WDPCP: variants seen among roughly 807,000 people sequenced by gnomAD.
The protein encoded by WDPCP is WD repeat containing planar cell polarity effector, also known as WD repeat-containing and planar cell polarity effector protein fritz homolog.
A neutral mutation model predicts 93.1 loss-of-function variants in WDPCP; 71 were observed. That is an observed-to-expected ratio of 0.76 (90% CI 0.63 to 0.93). The LOEUF is 0.93. Among genes scored for constraint, WDPCP ranks in the 40% least tolerant of loss-of-function variants. The pLI is 0.00. For synonymous variants in WDPCP, 315 were observed against 315.0 expected, an observed-to-expected ratio of 1.00 and a Z score of 0.00; for missense variants, 844 against 887.4, an observed-to-expected ratio of 0.95 and a Z score of 0.62.
chr2:63,568,355 CAA>C (rs34633887), intron 1 of WDPCP, among the ~76,000 whole-genome samples: 1 of 149,546 alleles, frequency 6.7e-6, no homozygotes, highest in South Asian at 2.1e-4. Context: ...AAAAAAAAAA[CAA>C]AAAAAAACCT....
intron 2 of WDPCP, among the ~76,000 whole-genome samples, chr2:63,708,591 T>C (rs1669207619): frequency 1.3e-5 from 2 of 152,146 alleles, no homozygotes; most frequent in Non-Finnish European, 2.9e-5. Flanking sequence ...AGGCGATGCC[T>C]CGCCCTGCTT....
chr2:63,725,081 G>A (rs1293526023), intron 2 of WDPCP, among the ~76,000 whole-genome samples: 2 of 152,090 alleles, frequency 1.3e-5, no homozygotes, highest in Non-Finnish European at 2.9e-5. Flanking sequence ...GAGGGGACAC[G>A]TGCAGGTTTG....
chr2:63,657,207 T>TTTG (rs1313780943), intron 2 of WDPCP, among the ~76,000 whole-genome samples: 2 of 143,858 alleles, frequency 1.4e-5, no homozygotes, highest in East Asian at 2.0e-4. Context: ...TGGGTGATGT[T>TTTG]TTTTTTTTTT....
intron 12 of WDPCP, among the ~76,000 whole-genome samples, chr2:63,371,440 A>T (rs1173968023): frequency 6.6e-6 from 1 of 152,014 alleles, no homozygotes; most frequent in East Asian, 1.9e-4. Flanking sequence ...GTAGTTTCAA[A>T]TCATCTATTG....
At chr2:63,792,784 A>G (rs776225525) in intron 2 of WDPCP, among the ~76,000 whole-genome samples, 1 of 152,302 alleles carries the variant, frequency 6.6e-6, no homozygotes, top group South Asian at 2.1e-4. Context: ...AAAGGAATGT[A>G]GGATCAGACC....
At chr2:63,650,169 G>C (rs1475022582) in intron 3 of WDPCP, among the ~76,000 whole-genome samples, 3 of 152,206 alleles carry the variant, frequency 2.0e-5, no homozygotes, top group Non-Finnish European at 4.4e-5. Context: ...AGTTTCCCAA[G>C]ATTTGTTCAG....
At chr2:63,393,444 T>A (rs1219521543) in intron 10 of WDPCP, among the ~76,000 whole-genome samples, 1 of 151,998 alleles carries the variant, frequency 6.6e-6, no homozygotes, top group Admixed American at 6.6e-5. Context: ...AAATGACTAG[T>A]TGATCAGTAA....
At chr2:63,482,125 C>A (rs1378633212) in intron 6 of WDPCP, among the ~76,000 whole-genome samples, 1 of 151,948 alleles carries the variant, frequency 6.6e-6, no homozygotes, top group East Asian at 1.9e-4. Flanking sequence ...AAAGATCCAA[C>A]CTCAGATTGC....
intron 14 of WDPCP, among the ~76,000 whole-genome samples, chr2:63,253,973 A>G (rs1574988523): frequency 6.6e-6 from 1 of 152,310 alleles, no homozygotes; most frequent in African/African-American, 2.4e-5. Flanking sequence ...AAGACATGGA[A>G]TCAACCTAGG....
intron 2 of WDPCP, chr2:63,684,672 AG>A (rs1668780500): frequency 1.9e-5 from 13 of 683,132 alleles, no homozygotes; most frequent in South Asian, 1.8e-4. Flanking sequence ...GAGAGATACA[AG>A]ATAGGCAAGA....
chr2:63,690,795 C>T (rs1343281007), intron 2 of WDPCP, among the ~76,000 whole-genome samples: 4 of 151,952 alleles, frequency 2.6e-5, no homozygotes, highest in African/African-American at 9.7e-5. Context: ...AAACTTCAAG[C>T]AGATTGCTCC....
At chr2:63,455,439 T>TACACAC in intron 6 of WDPCP, among the ~76,000 whole-genome samples, 1 of 112,252 alleles carries the variant, frequency 8.9e-6, no homozygotes, top group South Asian at 2.7e-4. Flanking sequence ...TATATATATA[T>TACACAC]ACACACACAC....
At chr2:63,394,266 C>G (rs1693527695) in intron 10 of WDPCP, among the ~76,000 whole-genome samples, 1 of 151,968 alleles carries the variant, frequency 6.6e-6, no homozygotes, top group South Asian at 2.1e-4. Context: ...TACATGCAGC[C>G]TACAACCATA....
intron 14 of WDPCP, among the ~76,000 whole-genome samples, chr2:63,223,626 G>A (rs1298583866): frequency 1.3e-5 from 2 of 152,108 alleles, no homozygotes; most frequent in Non-Finnish European, 2.9e-5. Flanking sequence ...CTATAGCATG[G>A]CCAGGTAAAT....
At chr2:63,760,447 T>C (rs1400158654) in intron 2 of WDPCP, among the ~76,000 whole-genome samples, 1 of 152,056 alleles carries the variant, frequency 6.6e-6, no homozygotes, top group African/African-American at 2.4e-5. Flanking sequence ...AATATTTCCC[T>C]TCCTGCCCCT....
intron 14 of WDPCP, among the ~76,000 whole-genome samples, chr2:63,204,110 T>A (rs891492114): frequency 9.9e-5 from 15 of 152,166 alleles, no homozygotes; most frequent in African/African-American, 3.4e-4. Context: ...ATTTTTAGTT[T>A]TTTGAGGAAC....
chr2:63,263,310 A>G (rs1243184865), intron 13 of WDPCP, among the ~76,000 whole-genome samples: 1 of 152,260 alleles, frequency 6.6e-6, no homozygotes, highest in Non-Finnish European at 1.5e-5. Context: ...CTTAATTGCC[A>G]ATGCAATGGT....
Position 63,701,597 on chromosome 2 carries a change from C to T in WDPCP, n.309-50759G>A, listed in dbSNP as rs147482483. 8.9e-4 allele frequency among the ~76,000 whole-genome samples: 135 copies of T among 152,280 alleles called. 1 individual carries two copies. In the East Asian group the frequency reaches 0.023, roughly 27 times the overall value. On this transcript the variant is annotated intron_variant and non_coding_transcript_variant, in intron 2 of 4. Coordinates refer to the WDPCP transcript ENST00000467687. ...ATAATAGCCAAAATATGGAACCAACCTAAGTGCCCATTAATGGATGAATGG... is the reference window on the plus strand; with the variant it reads ...ATAATAGCCAAAATATGGAACCAACTTAAGTGCCCATTAATGGATGAATGG...
At chr2:63,541,917 T>G (rs868067641) in intron 1 of WDPCP, among the ~76,000 whole-genome samples, 3 of 152,274 alleles carry the variant, frequency 2.0e-5, no homozygotes, top group Non-Finnish European at 4.4e-5. Flanking sequence ...CTTTCAAATT[T>G]TATAAAAAAA....
Sources: allele counts gnomAD v4.1 joint callset (sites outside exome capture counted in the v4.1 genomes callset), GRCh38; gene constraint gnomAD v4.1.1; transcripts MANE v1.5; gene names NCBI Gene and HGNC (gene_info 2026-07-23, HGNC 2026-07-21).